Variants in POMT2 observed in about 807,000 individuals in gnomAD.
POMT2 encodes protein O-mannosyltransferase 2, also known as protein O-mannosyl-transferase 2.
A neutral mutation model predicts 100.0 loss-of-function variants in POMT2; 75 were observed. That is an observed-to-expected ratio of 0.75 (90% CI 0.62 to 0.91). POMT2 has a LOEUF of 0.91. Ranked by LOEUF, POMT2 falls within the 40% of genes least tolerant of loss-of-function variation. The probability of loss-of-function intolerance (pLI) is 0.00; values close to 1 mark genes in which losing one functional copy is unlikely to be tolerated. For synonymous variants in POMT2, 378 were observed against 374.1 expected (o/e 1.01, Z -0.12); for missense variants, 940 against 955.1 (o/e 0.98, Z 0.21).
chr14:77,314,780 C>T (rs1303914733), intron 1 of POMT2, among the ~76,000 whole-genome samples: 1 of 152,250 alleles, frequency 6.6e-6, no homozygotes, highest in East Asian at 1.9e-4. Flanking sequence ...GCTGCTCAAT[C>T]AACAAGTCTC....
At chr14:77,283,534 A>G (rs148515599) in intron 15 of POMT2, among the ~76,000 whole-genome samples, 16 of 152,324 alleles carry the variant, frequency 1.1e-4, no homozygotes, top group African/African-American at 3.4e-4. Flanking sequence ...TATGATTGTA[A>G]TAAGTATCAG....
At position 77,304,757 on chromosome 14, in the gene POMT2, A is replaced by T. The variant is rs1403691841; in HGVS notation, c.482T>A (p.Leu161His). Residue 161 changes from leucine to histidine, a missense_variant, in exon 4 of 21, where the codon CTC becomes CAC. By Grantham distance (99) the Leu-to-His change is moderately conservative (BLOSUM62 -3). Coordinates refer to ENST00000261534, the MANE Select transcript of POMT2 (RefSeq NM_013382.7). ...GGACTTGGACAGATCCAGTACAGTGAGGTAGGCAAAGGGGACCAGCCAGGA... is the reference window on the plus strand; with the variant it reads ...GGACTTGGACAGATCCAGTACAGTGTGGTAGGCAAAGGGGACCAGCCAGGA... ...LGSWLVPFAY[L>H]TVLDLSKSLS... The T allele has an allele frequency of 2.5e-6, 4 of 1,600,644 alleles. No homozygotes were observed. The East Asian group carries it at 9.0e-5, about 36-fold the overall frequency.
chr14:77,320,183 T>C, intron 1 of POMT2: 1 of 633,924 alleles, frequency 1.6e-6, no homozygotes, highest in Non-Finnish European at 2.7e-6. Flanking sequence ...TGATGCACTG[T>C]AGCATAACCT....
chr14:77,301,021 G>A, intron 6 of POMT2, 69 bp downstream of exon 6: 2 of 1,611,000 alleles, frequency 1.2e-6, no homozygotes, highest in East Asian at 2.2e-5. Flanking sequence ...AGACAGAGAA[G>A]GCCACCAGCT....
At chr14:77,319,127 C>A (rs1344284453) in intron 1 of POMT2, among the ~76,000 whole-genome samples, 1 of 152,072 alleles carries the variant, frequency 6.6e-6, no homozygotes, top group Non-Finnish European at 1.5e-5. Context: ...CAATCTGAAC[C>A]CCTGTGCACA....
intron 14 of POMT2, chr14:77,284,466 T>C (rs1594889010): frequency 4.7e-6 from 1 of 212,618 alleles, no homozygotes; most frequent in East Asian, 1.1e-4. Flanking sequence ...TGAATCCAAA[T>C]ACTTATTGAG....
At chr14:77,294,767 T>C (rs1890764094) in intron 9 of POMT2, among the ~76,000 whole-genome samples, 1 of 152,248 alleles carries the variant, frequency 6.6e-6, no homozygotes, top group South Asian at 2.1e-4. Context: ...TAAATCTCTT[T>C]CTTTTGTAAA....
In POMT2 at chr14:77,275,050, T is replaced by G. The variant is rs1186343728; in HGVS notation, c.*2326A>C. The stretch of plus-strand genomic sequence containing the variant: ...ATAGGCTCAAGAAGCTGGCTGGAGG[T>G]TGAATTGGCTGACGAACATCTTCTT... On this transcript the variant is annotated 3_prime_UTR_variant, in exon 21 of 21. Transcript: ENST00000261534. 6.6e-6 allele frequency: 1 copy of G among 152,010 alleles called. No homozygotes were observed. Among genetic ancestry groups the G allele is most frequent in the African/African-American group, 2.4e-5 (1 of 41,380 alleles). The allele number at this position is 152,010 out of a possible 1,614,324, so 9.4% of individuals were successfully genotyped here. A position where few individuals can be genotyped will look rare whatever the true frequency, so the allele number is the denominator to read the frequency against.
At chr14:77,291,176 G>A (rs756448111) in intron 10 of POMT2, 138 bp downstream of exon 10, 1 of 802,950 alleles carries the variant, frequency 1.2e-6, no homozygotes, top group Non-Finnish European at 2.1e-6. Context: ...TAATTGAAAG[G>A]ATAATTGAGA....
At chr14:77,284,025 G>C (rs1785192866) in intron 14 of POMT2, 152 bp from the exon 15 acceptor site, 3 of 720,300 alleles carry the variant, frequency 4.2e-6, no homozygotes, top group Admixed American at 4.0e-5. Context: ...CCCAATTCTT[G>C]ATCATTTACT....
Position 77,285,594 on chromosome 14 carries a change from C to G in POMT2, c.1371G>C (p.Glu457Asp). ...GGTTTCCAAATTTCCTGTTTACGAC[C>G]TCAATCCGCCAGAAATCATTTGAGT... is the stretch of plus-strand genomic sequence containing the variant. ...TGDSNDFWRI[E>D]VVNRKFGNRI... Residue 457 changes from glutamate (E) to aspartate (D), a missense_variant, in exon 13 of 21, where the codon GAG becomes GAC. By Grantham distance (45) the Glu-to-Asp change is conservative. Coordinates refer to ENST00000261534, the MANE Select transcript of POMT2 (RefSeq NM_013382.7). 2.5e-6 allele frequency: 4 copies of G among 1,613,240 alleles called. No homozygotes were observed. The highest frequency in any genetic ancestry group is 3.4e-6 in the Non-Finnish European group (4 of 1,179,254).
At chr14:77,318,753 T>TTTTTA (rs1891717151) in intron 1 of POMT2, among the ~76,000 whole-genome samples, 1 of 149,588 alleles carries the variant, frequency 6.7e-6, no homozygotes, top group Non-Finnish European at 1.5e-5. Context: ...TTTTTTTTTT[T>TTTTTA]GAGACAGAGT....
intron 2 of POMT2, chr14:77,306,652 T>C (rs1475336570): frequency 7.9e-6 from 4 of 505,274 alleles, no homozygotes; most frequent in African/African-American, 2.0e-5. Flanking sequence ...AAATCCTCTC[T>C]TGTATTATGG....
intron 6 of POMT2, chr14:77,299,836 T>C (rs571472495): frequency 1.2e-5 from 5 of 415,588 alleles, no homozygotes; most frequent in Admixed American, 7.0e-5. Flanking sequence ...GGCACCTGCA[T>C]CTGCAACACA....
chr14:77,278,308 G>T, intron 20 of POMT2, 86 bp downstream of exon 20: 1 of 1,137,868 alleles, frequency 8.8e-7, no homozygotes. Context: ...GGTGTTAAAA[G>T]CACCGCAGGG....
chr14:77,296,044 A>G lies in POMT2; in HGVS notation c.1116+120T>C, dbSNP rs148819460. On this transcript the variant is annotated intron_variant, in intron 9 of 20. Transcript: ENST00000261534. ...TTAGCCAGAGAAAACAGAAGGGTGC[A>G]GGGCTAGGAAGAATGTTTCAAGCAG... 1,086 of 833,870 alleles carry G rather than the reference A, an allele frequency of 1.3e-3. 1 individual carries two copies. The highest frequency in any genetic ancestry group is 3.6e-3 in the South Asian group (248 of 69,294). 51.7% of individuals were successfully genotyped at this position (833,870 alleles called of 1,614,324 possible). A position where few individuals can be genotyped will look rare whatever the true frequency, so the allele number is the denominator to read the frequency against.
intron 2 of POMT2, among the ~76,000 whole-genome samples, chr14:77,310,817 C>G (rs1048304568): frequency 2.0e-5 from 3 of 152,132 alleles, no homozygotes; most frequent in Admixed American, 6.6e-5. Flanking sequence ...AATCCGAGAG[C>G]CTTCTCAGAG....
chr14:77,289,019 T>C (rs1890546551), intron 10 of POMT2, among the ~76,000 whole-genome samples, 188 bp from the exon 11 acceptor site: 1 of 151,602 alleles, frequency 6.6e-6, no homozygotes, highest in South Asian at 2.1e-4. Context: ...CCAGAGATAA[T>C]GCTCGAAAAG....
chr14:77,278,825 C>G lies in POMT2; in HGVS notation c.1936G>C (p.Gly646Arg). Residue 646 changes from glycine to arginine, a missense_variant, in exon 19 of 21, where the codon GGC becomes CGC. Coordinates refer to ENST00000261534, the MANE Select transcript of POMT2 (RefSeq NM_013382.7). ...LLRGGGQVLL[G>R]WTLHYFPFFL... ...AACGGGAAGTAATGGAGTGTCCAGC[C>G]GAGCAGGACCTGGCCGCCTCCTCGA... 1 of 1,613,438 alleles carries G rather than the reference C, an allele frequency of 6.2e-7. No homozygotes were observed. Among genetic ancestry groups the G allele is most frequent in the Non-Finnish European group, 8.5e-7 (1 of 1,179,696 alleles).
Sources: gnomAD v4.1 joint callset for allele counts (sites outside exome capture counted in the v4.1 genomes callset) on GRCh38, gnomAD v4.1.1 for gene constraint, MANE v1.5 for transcripts, NCBI Gene and HGNC (gene_info 2026-07-23, HGNC 2026-07-21) for gene names.